Variants in SLC14A2 observed in about 807,000 individuals in gnomAD.
SLC14A2 encodes the protein urea transporter 2.
In SLC14A2, 91 loss-of-function variants were observed where a neutral mutation model predicts 104.6. The observed-to-expected ratio is 0.87, with a 90% CI of 0.73 to 1.04. The LOEUF (loss-of-function observed/expected upper bound fraction) is 1.04, where lower values mean the gene tolerates loss of function less well. Ranked by LOEUF, SLC14A2 falls within the 50% of genes least tolerant of loss-of-function variation. SLC14A2 has a pLI of 0.00. For synonymous variants in SLC14A2, 476 were observed against 466.4 expected, an observed-to-expected ratio of 1.02 and a Z score of -0.27; for missense variants, 1,189 against 1,156.0, an observed-to-expected ratio of 1.03 and a Z score of -0.41.
At chr18:45,523,700 A>G (rs1321644866) in intron 2 of SLC14A2, among the ~76,000 whole-genome samples, 1 of 151,998 alleles carries the variant, frequency 6.6e-6, no homozygotes, top group Non-Finnish European at 1.5e-5. Context: ...CAAATGATAC[A>G]TCCTGCCTGT....
chr18:45,648,673 C>G (rs979435440), intron 10 of SLC14A2, among the ~76,000 whole-genome samples: 7 of 152,090 alleles, frequency 4.6e-5, no homozygotes, highest in Non-Finnish European at 1.0e-4. Context: ...AGCAATGTTT[C>G]ATATTTTTAC....
intron 1 of SLC14A2, among the ~76,000 whole-genome samples, chr18:45,355,966 C>T (rs993390264): frequency 1.1e-4 from 17 of 152,116 alleles, no homozygotes; most frequent in African/African-American, 2.4e-4. Flanking sequence ...AATCAGAAGA[C>T]GGAGACTGAA....
chr18:45,430,169 T>C (rs1006902043), intron 1 of SLC14A2, among the ~76,000 whole-genome samples: 1 of 152,230 alleles, frequency 6.6e-6, no homozygotes, highest in Non-Finnish European at 1.5e-5. Context: ...AGTCCATTGC[T>C]AAAGCATGGT....
At chr18:45,188,700 T>C in the SLC14A2 span, among the ~76,000 whole-genome samples, 1 of 152,170 alleles carries the variant, frequency 6.6e-6, no homozygotes, top group African/African-American at 2.4e-5. Flanking sequence ...GTTTGCCTTG[T>C]CCCTCCCAGA....
chr18:45,196,895 G>T, the SLC14A2 span, among the ~76,000 whole-genome samples: 1 of 152,186 alleles, frequency 6.6e-6, no homozygotes, highest in Non-Finnish European at 1.5e-5. Context: ...ATAAACAAGA[G>T]CTAAGCTGCA....
At chr18:45,262,535 A>G (rs1194543968) in intron 1 of SLC14A2, among the ~76,000 whole-genome samples, 3 of 152,200 alleles carry the variant, frequency 2.0e-5, no homozygotes, top group Non-Finnish European at 4.4e-5. Context: ...GTAGGCCCCT[A>G]TTAATTAATG....
At chr18:45,256,541 C>T (rs898526168) in intron 1 of SLC14A2, among the ~76,000 whole-genome samples, 1 of 152,200 alleles carries the variant, frequency 6.6e-6, no homozygotes, top group African/African-American at 2.4e-5. Context: ...TTAGCTAATC[C>T]TGTGCTAAGG....
At position 45,625,675 on chromosome 18, in the gene SLC14A2, C is replaced by A; in HGVS notation, c.151-8C>A. 1 of 1,538,782 alleles carries A rather than the reference C, an allele frequency of 6.5e-7. No homozygotes were observed. The highest frequency in any genetic ancestry group is 1.3e-5 in the South Asian group (1 of 77,530). ...ATCATTTGATGTCTGGTTGGTTTCT[C>A]CTAAAAGGATCTCCGGTCTTCCAAT... On this transcript the variant is annotated splice_polypyrimidine_tract_variant and splice_region_variant and intron_variant, in intron 2 of 19. Coordinates refer to ENST00000255226, the MANE Select transcript of SLC14A2 (RefSeq NM_007163.4).
the SLC14A2 span, among the ~76,000 whole-genome samples, chr18:45,173,588 G>A: frequency 2.0e-5 from 3 of 152,112 alleles, no homozygotes; most frequent in African/African-American, 7.2e-5. Context: ...GTGTTTGGGT[G>A]CTGATGGGCT....
intron 1 of SLC14A2, among the ~76,000 whole-genome samples, chr18:45,471,337 G>A (rs573776697): frequency 6.6e-6 from 1 of 152,134 alleles, no homozygotes; most frequent in Admixed American, 6.5e-5. Flanking sequence ...TTGTTTGTTG[G>A]GATGGCAAGA....
At chr18:45,271,246 C>T (rs1030048651) in intron 1 of SLC14A2, among the ~76,000 whole-genome samples, 1 of 152,166 alleles carries the variant, frequency 6.6e-6, no homozygotes, top group Non-Finnish European at 1.5e-5. Flanking sequence ...AAAGGAAATG[C>T]CCTCTGTTGT....
rs1243536519 is a variant in SLC14A2, at chr18:45,678,875, T to C, written c.2513-100T>C. The C allele has an allele frequency of 7.3e-6, 8 of 1,096,050 alleles. No individual in the cohort carries two copies. In the East Asian group the frequency reaches 7.7e-5, roughly 10 times the overall value. 67.9% of individuals were successfully genotyped at this position (1,096,050 alleles called of 1,614,324 possible). On this transcript the variant is annotated intron_variant, in intron 18 of 19. Coordinates refer to ENST00000255226, the MANE Select transcript of SLC14A2 (RefSeq NM_007163.4). Reference sequence around the variant, plus strand: ...TTTTAAAAAATCTTAGAGATAGCATTTGTGGCATAAAATTGATGGGAAGAG... The same window carrying C: ...TTTTAAAAAATCTTAGAGATAGCATCTGTGGCATAAAATTGATGGGAAGAG...
At chr18:45,327,332 T>C (rs2085245611) in intron 1 of SLC14A2, among the ~76,000 whole-genome samples, 1 of 152,178 alleles carries the variant, frequency 6.6e-6, no homozygotes, top group Non-Finnish European at 1.5e-5. Context: ...GCTTTTTTGG[T>C]AAAATTTACA....
At chr18:45,659,235 T>C (rs545684234) in intron 10 of SLC14A2, among the ~76,000 whole-genome samples, 55 of 152,384 alleles carry the variant, frequency 3.6e-4, no homozygotes, top group Non-Finnish European at 6.2e-4. Flanking sequence ...TCAGGCCCTC[T>C]GGCCATAAAC....
At chr18:45,573,006 T>C (rs2044370676) in intron 2 of SLC14A2, among the ~76,000 whole-genome samples, 1 of 152,082 alleles carries the variant, frequency 6.6e-6, no homozygotes, top group South Asian at 2.1e-4. Flanking sequence ...TCCGCCTTTA[T>C]CCCCCAAAAC....
rs547868707 is a variant in SLC14A2, at chr18:45,271,913, A to G, written c.-125+58722A>G. Among the ~76,000 whole-genome samples, 6 of 152,308 alleles carry G rather than the reference A, an allele frequency of 3.9e-5. No homozygotes were observed. The East Asian group carries it at 1.2e-3, about 29-fold the overall frequency. On this transcript the variant is annotated intron_variant, in intron 1 of 20. Coordinates refer to the SLC14A2 transcript ENST00000586448. ...ACTTCAAATTATACTACAGAGCTAT[A>G]GTATCCAGAACAGCATGGTACTGGC...
chr18:45,231,084 A>G (rs1599593263), intron 1 of SLC14A2, among the ~76,000 whole-genome samples: 1 of 152,252 alleles, frequency 6.6e-6, no homozygotes, highest in African/African-American at 2.4e-5. Context: ...ATTACTATCC[A>G]TGCTTTACAG....
chr18:45,368,617 C>A (rs971788435), intron 1 of SLC14A2, among the ~76,000 whole-genome samples: 1 of 152,140 alleles, frequency 6.6e-6, no homozygotes, highest in Non-Finnish European at 1.5e-5. Flanking sequence ...TGAAACTTCG[C>A]AAATGTCAAA....
intron 1 of SLC14A2, among the ~76,000 whole-genome samples, chr18:45,315,347 T>C (rs1050154878): frequency 2.0e-5 from 3 of 152,076 alleles, no homozygotes; most frequent in African/African-American, 7.2e-5. Context: ...TCTAACACTC[T>C]AGCATGGGGA....
Sources: gnomAD v4.1 joint callset for allele counts (sites outside exome capture counted in the v4.1 genomes callset) on GRCh38, gnomAD v4.1.1 for gene constraint, MANE v1.5 for transcripts, NCBI Gene and HGNC (gene_info 2026-07-23, HGNC 2026-07-21) for gene names.